The following SH3GL3 variants were observed in gnomAD, a reference collection of about 807,000 sequenced individuals.
SH3GL3 encodes the protein SH3 domain containing GRB2 like 3, endophilin A3.
In SH3GL3, 33 loss-of-function variants were observed where a neutral mutation model predicts 47.7. That is an observed-to-expected ratio of 0.69 (90% CI 0.52 to 0.92). The LOEUF is 0.92. Ranked by LOEUF, SH3GL3 falls within the 40% of genes least tolerant of loss-of-function variation. SH3GL3 has a pLI of 0.00. For missense variants in SH3GL3, 363 were observed against 417.8 expected, an observed-to-expected ratio of 0.87 and a Z score of 1.14; for synonymous variants, 155 against 148.8, an observed-to-expected ratio of 1.04 and a Z score of -0.30.
chr15:83,566,359 A>AGT (rs2045535745), intron 3 of SH3GL3, among the ~76,000 whole-genome samples: 1 of 119,922 alleles, frequency 8.3e-6, no homozygotes, highest in Non-Finnish European at 1.8e-5. Context: ...AGAGAGAGAG[A>AGT]GAGAGAGTGT....
At chr15:83,544,224 T>C (rs2044298304) in intron 1 of SH3GL3, among the ~76,000 whole-genome samples, 1 of 152,236 alleles carries the variant, frequency 6.6e-6, no homozygotes, top group South Asian at 2.1e-4. Flanking sequence ...TTTCATTTGT[T>C]TCAAGGAATT....
At chr15:83,509,053 C>T (rs1379755077) in intron 1 of SH3GL3, among the ~76,000 whole-genome samples, 3 of 152,180 alleles carry the variant, frequency 2.0e-5, no homozygotes, top group Non-Finnish European at 4.4e-5. Flanking sequence ...ATGTTTTTAC[C>T]TACATCGGGC....
intron 8 of SH3GL3, 141 bp from the exon 9 acceptor site, chr15:83,617,941 G>A (rs1430639915): frequency 2.7e-5 from 17 of 632,778 alleles, no homozygotes; most frequent in South Asian, 1.9e-4. Flanking sequence ...AAACGGCACC[G>A]TGAGCTGGGT....
chr15:83,492,763 C>G (rs935981706), intron 1 of SH3GL3, among the ~76,000 whole-genome samples: 3 of 152,258 alleles, frequency 2.0e-5, no homozygotes, highest in African/African-American at 7.2e-5. Context: ...GTGCCCCACA[C>G]TGTTTTCCAG....
intron 1 of SH3GL3, among the ~76,000 whole-genome samples, chr15:83,475,839 A>C (rs1320790453): frequency 6.6e-6 from 1 of 152,226 alleles, no homozygotes; most frequent in Non-Finnish European, 1.5e-5. Flanking sequence ...TCTTTATTGT[A>C]TTAGTCTTTG....
At chr15:83,536,150 A>C (rs530334807) in intron 1 of SH3GL3, among the ~76,000 whole-genome samples, 3 of 152,198 alleles carry the variant, frequency 2.0e-5, no homozygotes, top group Non-Finnish European at 4.4e-5. Context: ...CATATTGGGA[A>C]CATTTATTCT....
intron 1 of SH3GL3, among the ~76,000 whole-genome samples, chr15:83,450,522 GA>G (rs1467524396): frequency 7.2e-5 from 11 of 151,990 alleles, no homozygotes; most frequent in African/African-American, 2.7e-4. Flanking sequence ...CTATCTCTGG[GA>G]AAAAACCCCT....
chr15:83,493,089 G>A (rs1490357095), intron 1 of SH3GL3, among the ~76,000 whole-genome samples: 2 of 152,126 alleles, frequency 1.3e-5, no homozygotes, highest in Non-Finnish European at 2.9e-5. Flanking sequence ...TTAAATAATC[G>A]TTCTTTAATT....
intron 1 of SH3GL3, among the ~76,000 whole-genome samples, chr15:83,494,075 C>G (rs942757434): frequency 6.6e-6 from 1 of 152,216 alleles, no homozygotes; most frequent in Non-Finnish European, 1.5e-5. Flanking sequence ...ATGGCCAGGA[C>G]TTTTCCAGAG....
At chr15:83,593,431 T>C (rs1329590289) in intron 8 of SH3GL3, among the ~76,000 whole-genome samples, 1 of 152,230 alleles carries the variant, frequency 6.6e-6, no homozygotes, top group Non-Finnish European at 1.5e-5. Flanking sequence ...TTTTCATCAA[T>C]CTCTAAGTAT....
At chr15:83,500,385 A>G (rs2042244760) in intron 1 of SH3GL3, among the ~76,000 whole-genome samples, 1 of 152,134 alleles carries the variant, frequency 6.6e-6, no homozygotes, top group African/African-American at 2.4e-5. Context: ...CCTCCTTTTG[A>G]GCCCCTCTTC....
chr15:83,596,634 T>A (rs146452391), intron 8 of SH3GL3, among the ~76,000 whole-genome samples: 81 of 152,258 alleles, frequency 5.3e-4, no homozygotes, highest in African/African-American at 1.9e-3. Context: ...TGTTTTTGTT[T>A]GTTTGTTTGT....
At chr15:83,533,903 C>A (rs951153642) in intron 1 of SH3GL3, among the ~76,000 whole-genome samples, 2 of 152,134 alleles carry the variant, frequency 1.3e-5, no homozygotes, top group Non-Finnish European at 2.9e-5. Flanking sequence ...TTGACTCATG[C>A]AATGTACGTT....
chr15:83,459,211 G>A (rs888362252), intron 1 of SH3GL3, among the ~76,000 whole-genome samples: 2 of 152,208 alleles, frequency 1.3e-5, no homozygotes, highest in African/African-American at 2.4e-5. Context: ...TTCTAGCTGC[G>A]CTGTCGGCTG....
At chr15:83,564,393 A>G (rs889942018) in intron 2 of SH3GL3, among the ~76,000 whole-genome samples, 1 of 152,128 alleles carries the variant, frequency 6.6e-6, no homozygotes, top group African/African-American at 2.4e-5. Flanking sequence ...GTTATTCTTC[A>G]TTATTGCATT....
intron 1 of SH3GL3, among the ~76,000 whole-genome samples, chr15:83,450,463 A>G (rs2039685063): frequency 6.6e-6 from 1 of 152,122 alleles, no homozygotes; most frequent in Non-Finnish European, 1.5e-5. Context: ...TAAGCGAGGT[A>G]AAATTAGCTA....
intron 4 of SH3GL3, among the ~76,000 whole-genome samples, chr15:83,571,258 T>C (rs1398536395): frequency 2.6e-5 from 4 of 152,176 alleles, no homozygotes; most frequent in Non-Finnish European, 5.9e-5. Context: ...CTTTGGAGTC[T>C]ACAGTGTATT....
At chr15:83,577,696 C>T (rs1202373466) in intron 6 of SH3GL3, among the ~76,000 whole-genome samples, 1 of 152,172 alleles carries the variant, frequency 6.6e-6, no homozygotes, top group Non-Finnish European at 1.5e-5. Flanking sequence ...CAGCCCCTGA[C>T]TCAATATCTT....
intron 3 of SH3GL3, among the ~76,000 whole-genome samples, chr15:83,567,770 T>A (rs1017381444): frequency 6.6e-6 from 1 of 152,146 alleles, no homozygotes; most frequent in African/African-American, 2.4e-5. Flanking sequence ...TGAAATATCC[T>A]CCTCGGCAAT....
Sources: gnomAD v4.1 joint callset for allele counts (sites outside exome capture counted in the v4.1 genomes callset) on GRCh38, gnomAD v4.1.1 for gene constraint, MANE v1.5 for transcripts, NCBI Gene and HGNC (gene_info 2026-07-23, HGNC 2026-07-21) for gene names.